SEMA6C: variants seen among roughly 807,000 people sequenced by gnomAD.
SEMA6C encodes the protein semaphorin-6C.
Under a neutral mutation model 72.9 loss-of-function variants are expected in SEMA6C, and 37 were observed. The ratio of observed to expected loss-of-function variants is 0.51; its 90% CI spans 0.39 to 0.67. The LOEUF is 0.67. Among genes scored for constraint, SEMA6C ranks in the 30% least tolerant of loss-of-function variants. The pLI, the probability that SEMA6C is intolerant of heterozygous loss-of-function variation, is 0.00. For synonymous variants in SEMA6C, 578 were observed against 554.1 expected, an observed-to-expected ratio of 1.04 and a Z score of -0.61; for missense variants, 1,189 against 1,263.6, an observed-to-expected ratio of 0.94 and a Z score of 0.89.
chr1:151,136,333 C>T, intron 12 of SEMA6C, 115 bp downstream of exon 12: 1 of 1,503,894 alleles, frequency 6.6e-7, no homozygotes, highest in Non-Finnish European at 9.0e-7. Context: ...CACTGCCACC[C>T]CACTATAGCT....
At chr1:151,144,107 T>C (rs2101655580) in intron 2 of SEMA6C, among the ~76,000 whole-genome samples, 3 of 152,066 alleles carry the variant, frequency 2.0e-5, no homozygotes, top group Admixed American at 2.0e-4. Flanking sequence ...CTAACGACCC[T>C]CTGGTGTTGA....
Position 151,132,843 on chromosome 1 carries a change from G to A in SEMA6C, c.2434C>T (p.His812Tyr), listed in dbSNP as rs896484203. 6 of 1,278,570 alleles carry A rather than the reference G, an allele frequency of 4.7e-6. No homozygotes were observed. In the Admixed American group the frequency reaches 2.2e-4, roughly 47 times the overall value. The allele number at this position is 1,278,570 out of a possible 1,614,324, so 79.2% of individuals were successfully genotyped here. ...AGCCTCAGCGGCGAGGCGCACTCGT[G>A]GGGCCTGGGGCTGGGGCCGCCCAAG... ...ALLGGPSPRP[H>Y]ECASPLRLDV... is the part of the protein sequence containing the mutation. Residue 812 changes from histidine to tyrosine, a missense_variant, in exon 19 of 19, where the codon CAC (histidine) becomes TAC (tyrosine). Physicochemically the swap from His to Tyr is moderately conservative, Grantham distance 83. Around this residue, in one of 2 missense-constraint regions of SEMA6C, gnomAD observed 721 missense variants for 686.2 expected, o/e 1.05. Coordinates refer to ENST00000368914, the MANE Select transcript of SEMA6C (RefSeq NM_030913.6).
chr1:151,133,337 C>A lies in SEMA6C; in HGVS notation c.1940G>T (p.Arg647Leu), dbSNP rs765789045. 1 of 1,595,490 alleles carries A rather than the reference C, an allele frequency of 6.3e-7. No individual in the cohort carries two copies. The highest frequency in any genetic ancestry group is 1.1e-5 in the South Asian group (1 of 89,478). The change falls in exon 19 of 19, where the codon CGC (arginine) becomes CTC (leucine). Residue 647 changes from arginine to leucine, a missense_variant. By Grantham distance (102) the Arg-to-Leu change is moderately radical. Around this residue, in one of 2 missense-constraint regions of SEMA6C, gnomAD observed 721 missense variants for 686.2 expected, o/e 1.05. Coordinates refer to ENST00000368914, the MANE Select transcript of SEMA6C (RefSeq NM_030913.6). This position sits in a 1 kb window ranked among gnomAD's most constrained non-coding sequence, Gnocchi z 5.9. ...GGCCAAACTGCGGAGGGAGAGAGGG[C>A]GCGGGAGCCCCGGAGTCTCGATGTC... ...GKDIETPGLP[R>L]PLSLRSLARL...
Position 151,136,816 on chromosome 1 carries a change from CAG to C in SEMA6C, c.974+39_974+40del, listed in dbSNP as rs1039373520. ...AAGGGGAGTTTGGAGGCTGGTGAGG[CAG>C]GGGACAGATTGGGTCACACTAGTCA... On this transcript the variant is annotated intron_variant, in intron 11 of 18. Coordinates refer to ENST00000368914, the MANE Select transcript of SEMA6C (RefSeq NM_030913.6). 3.2e-6 allele frequency: 5 copies of C among 1,559,042 alleles called. No homozygotes were observed. The African/African-American group carries it at 6.8e-5, about 21-fold the overall frequency.
chr1:151,137,687 C>T (rs1682160666), intron 10 of SEMA6C, 24 bp downstream of exon 10: 1 of 1,595,630 alleles, frequency 6.3e-7, no homozygotes, highest in Non-Finnish European at 8.6e-7. Flanking sequence ...CTCCAGCTAC[C>T]CACCCTGATG....
rs1681626341 is a variant in SEMA6C at position 151,132,551 on chromosome 1, A to C, written c.2726T>G (p.Leu909Arg). ...RVDVEKPQLSLKPPLVGPSSR... is the reference protein window; with the variant it reads ...RVDVEKPQLSRKPPLVGPSSR... ...GGAGGGCCCGACGAGGGGAGGCTTC[A>C]GGGACAACTGGGGCTTCTCGACGTC... Residue 909 changes from leucine (L) to arginine (R), a missense_variant, in exon 19 of 19, where the codon CTG becomes CGG. Coordinates refer to ENST00000368914, the MANE Select transcript of SEMA6C (RefSeq NM_030913.6). The C allele has an allele frequency of 6.4e-7, 1 of 1,551,134 alleles. No homozygotes were observed. Among genetic ancestry groups the C allele is most frequent in the African/African-American group, 1.4e-5 (1 of 73,196 alleles).
Position 151,136,093 on chromosome 1 carries a change from G to A in SEMA6C, c.1177C>T (p.Leu393=). The A allele has an allele frequency of 1.9e-6, 3 of 1,614,154 alleles. No individual in the cohort carries two copies. Among genetic ancestry groups the A allele is most frequent in the Non-Finnish European group, 1.7e-6 (2 of 1,180,022 alleles). The change falls in exon 13 of 19, where the codon CTG becomes TTG. Residue 393 remains leucine (L), a synonymous_variant. Coordinates refer to ENST00000368914, the MANE Select transcript of SEMA6C (RefSeq NM_030913.6). ...AGCGGGTGAGCCTTGATGAAGGTCA[G>A]GACATCATCAGGGAGGTCTCGGGAA... is the stretch of plus-strand genomic sequence containing the variant. ...SSSRDLPDDV[L]TFIKAHPLLD...
rs1437354573 is a variant in SEMA6C, at chr1:151,132,736, G to A, written c.2541C>T (p.Gly847=). 5 of 1,458,054 alleles carry A rather than the reference G, an allele frequency of 3.4e-6. 1 individual carries two copies. The East Asian group carries it at 7.7e-5, about 23-fold the overall frequency. 90.3% of individuals were successfully genotyped at this position (1,458,054 alleles called of 1,614,324 possible). A position where few individuals can be genotyped will look rare whatever the true frequency, so the allele number is the denominator to read the frequency against. The change falls in exon 19 of 19, where the codon GGC becomes GGT. Residue 847 remains glycine (G), a synonymous_variant. Transcript: ENST00000368914. ...CGGAGAAAGGCAACCTCCGGCCTCC[G>A]CCGACGCCCAGCCGGGGAGCGGGGG... The part of the protein sequence containing the change: ...LSAPAPRLGV[G]GGRRLPFSGH...
chr1:151,138,333 T>C lies in SEMA6C; in HGVS notation c.530A>G (p.Asn177Ser). ...ARCPFDATQS[N>S]VAIFAEGSLY... ...TTGCACACCTGCAAAGATGGCCACG[T>C]TGGACTGGGTGGCATCAAAGGGGCA... The change falls in exon 8 of 19, where the codon AAC becomes AGC. Residue 177 changes from asparagine to serine, a missense_variant. Asn to Ser is a conservative substitution (Grantham distance 46). Transcript: ENST00000368914. 6.2e-7 allele frequency: 1 copy of C among 1,614,028 alleles called. No homozygotes were observed. Among genetic ancestry groups the C allele is most frequent in the South Asian group, 1.1e-5 (1 of 91,042 alleles).
chr1:151,136,755 G>A (rs587742319), intron 11 of SEMA6C, 102 bp downstream of exon 11: 86 of 1,379,470 alleles, frequency 6.2e-5, no homozygotes, highest in African/African-American at 1.4e-4. Flanking sequence ...GGCTTTGTTC[G>A]GAGGTTCCCT....
intron 1 of SEMA6C, among the ~76,000 whole-genome samples, chr1:151,144,709 G>C (rs1230879479): frequency 6.6e-6 from 1 of 152,194 alleles, no homozygotes; most frequent in Non-Finnish European, 1.5e-5. Context: ...GTCACTGGGA[G>C]AGTTTGTGGG....
chr1:151,138,062 A>G lies in SEMA6C; in HGVS notation c.591T>C (p.Ser197=). ...YSATAADFQA[S]DAVVYRSLGP... ...CAAGGCTTCTGTAAACTACAGCATC[A>G]CTGGCCTGGAAATCCGCAGCTGTGG... Residue 197 remains serine (S), a synonymous_variant, in exon 9 of 19, where the codon AGT becomes AGC. Transcript: ENST00000368914. 1.2e-6 allele frequency: 2 copies of G among 1,614,170 alleles called. No individual in the cohort carries two copies. Among genetic ancestry groups the G allele is most frequent in the South Asian group, 2.2e-5 (2 of 91,080 alleles).
At position 151,132,719 on chromosome 1, in the gene SEMA6C, G is replaced by A. The variant is rs1371571190; in HGVS notation, c.2558C>T (p.Pro853Leu). Residue 853 changes from proline to leucine, a missense_variant, in exon 19 of 19, where the codon CCT (proline) becomes CTT (leucine). By Grantham distance (98) the Pro-to-Leu change is moderately conservative (BLOSUM62 -3). Coordinates refer to ENST00000368914, the MANE Select transcript of SEMA6C (RefSeq NM_030913.6). Reference protein sequence around the residue: ...RLGVGGGRRLPFSGHRAPPAL... With the variant: ...RLGVGGGRRLLFSGHRAPPAL... ...AGGGGGGGCCCGGTGGCCGGAGAAA[G>A]GCAACCTCCGGCCTCCGCCGACGCC... The A allele has an allele frequency of 9.4e-6, 14 of 1,482,068 alleles. No individual in the cohort carries two copies. The highest frequency in any genetic ancestry group is 1.3e-5 in the South Asian group (1 of 75,242). 91.8% of individuals were successfully genotyped at this position (1,482,068 alleles called of 1,614,324 possible). A position where few individuals can be genotyped will look rare whatever the true frequency, so the allele number is the denominator to read the frequency against.
At position 151,133,898 on chromosome 1, in the gene SEMA6C, G is replaced by T; in HGVS notation, c.1760-381C>A. On this transcript the variant is annotated intron_variant, in intron 18 of 18. Transcript: ENST00000368914. The surrounding 1 kb of genome is among the most constrained non-coding windows in gnomAD (Gnocchi z 5.9). ...CAAACACCATTCAGTGAGGGGCTTAGAACGCTCCGAGAATCAGCAGCCCCA... is the reference window on the plus strand; with the variant it reads ...CAAACACCATTCAGTGAGGGGCTTATAACGCTCCGAGAATCAGCAGCCCCA... The T allele has an allele frequency of 7.3e-7, 1 of 1,362,086 alleles. No individual in the cohort carries two copies. Among genetic ancestry groups the T allele is most frequent in the Non-Finnish European group, 1.0e-6 (1 of 976,502 alleles). 84.4% of individuals were successfully genotyped at this position (1,362,086 alleles called of 1,614,324 possible).
intron 2 of SEMA6C, among the ~76,000 whole-genome samples, chr1:151,143,273 C>A (rs1232844920): frequency 6.6e-6 from 1 of 152,326 alleles, no homozygotes; most frequent in East Asian, 1.9e-4. Flanking sequence ...GGGCCCTTCC[C>A]ACCGCTAGGG....
intron 6 of SEMA6C, among the ~76,000 whole-genome samples, chr1:151,139,044 G>A (rs894328083): frequency 1.4e-5 from 2 of 145,738 alleles, no homozygotes; most frequent in African/African-American, 5.1e-5. Context: ...AGTGAGCCAA[G>A]ATCGTGCCAT....
chr1:151,138,294 T>C, intron 8 of SEMA6C, 22 bp downstream of exon 8: 1 of 1,612,248 alleles, frequency 6.2e-7, no homozygotes, highest in Non-Finnish European at 8.5e-7. Context: ...CATGCTTTCT[T>C]CTCACATGCC....
At chr1:151,138,472 C>T in intron 7 of SEMA6C, 66 bp from the exon 8 acceptor site, 1 of 1,509,518 alleles carries the variant, frequency 6.6e-7, no homozygotes, top group Non-Finnish European at 9.1e-7. Context: ...ATAGCCTATT[C>T]CCTCCTGTCC....
chr1:151,133,522 C>T lies in SEMA6C; in HGVS notation c.1760-5G>A, dbSNP rs1415036648. ...GGGGCAGGTCCCGGCGCACGCCTGCCGACCGAGAGGGAGGAGGGAGGCTCA... is the reference window on the plus strand; with the variant it reads ...GGGGCAGGTCCCGGCGCACGCCTGCTGACCGAGAGGGAGGAGGGAGGCTCA... On this transcript the variant is annotated splice_region_variant and splice_polypyrimidine_tract_variant and intron_variant, in intron 18 of 18. Transcript: ENST00000368914. The surrounding 1 kb of genome is among the most constrained non-coding windows in gnomAD (Gnocchi z 5.9). 7 of 1,501,772 alleles carry T rather than the reference C, an allele frequency of 4.7e-6. No individual in the cohort carries two copies. Among genetic ancestry groups the T allele is most frequent in the Non-Finnish European group, 6.2e-6 (7 of 1,128,162 alleles). The allele number at this position is 1,501,772 out of a possible 1,614,324, so 93.0% of individuals were successfully genotyped here. A position where few individuals can be genotyped will look rare whatever the true frequency, so the allele number is the denominator to read the frequency against.
Sources: gnomAD v4.1 joint callset for allele counts (sites outside exome capture counted in the v4.1 genomes callset) on GRCh38, gnomAD v4.1.1 for gene constraint, gnomAD v4.1.1 regional missense constraint, Gnocchi (gnomAD v3.1) non-coding constraint, MANE v1.5 for transcripts, NCBI Gene and HGNC (gene_info 2026-07-23, HGNC 2026-07-21) for gene names.